Variants in CTNND2 observed in about 807,000 individuals in gnomAD.
CTNND2 encodes the protein catenin delta-2.
In CTNND2, 22 loss-of-function variants were observed where a neutral mutation model predicts 144.4. That is an observed-to-expected ratio of 0.15 (90% CI 0.11 to 0.22). The LOEUF (loss-of-function observed/expected upper bound fraction) is 0.22. Ranked by LOEUF, CTNND2 falls within the 10% of genes least tolerant of loss-of-function variation. The pLI, the probability that CTNND2 is intolerant of heterozygous loss-of-function variation, is 1.00. For missense variants in CTNND2, 1,353 were observed against 1,618.8 expected (o/e 0.84, Z 2.82); for synonymous variants, 751 against 695.6 (o/e 1.08, Z -1.25).
chr5:11,017,099 G>A (rs942636804), intron 18 of CTNND2, among the ~76,000 whole-genome samples: 2 of 151,190 alleles, frequency 1.3e-5, no homozygotes, highest in Non-Finnish European at 2.9e-5. Context: ...TTGTTAACTC[G>A]AATTTAAACT....
intron 3 of CTNND2, among the ~76,000 whole-genome samples, chr5:11,535,313 G>C (rs1018030910): frequency 9.9e-5 from 15 of 151,822 alleles, no homozygotes; most frequent in African/African-American, 3.6e-4. Context: ...TCCAGTTCTT[G>C]TCAAAGAAAC....
At chr5:11,715,312 G>T (rs115545624) in intron 2 of CTNND2, among the ~76,000 whole-genome samples, 1 of 152,180 alleles carries the variant, frequency 6.6e-6, no homozygotes, top group East Asian at 1.9e-4. Context: ...TCAGGTTGTC[G>T]CTGCTTTATT....
At chr5:11,343,602 C>G (rs1223141967) in intron 9 of CTNND2, among the ~76,000 whole-genome samples, 2 of 152,210 alleles carry the variant, frequency 1.3e-5, no homozygotes, top group East Asian at 3.9e-4. Context: ...ACATGTGCTG[C>G]AGTATGGATT....
chr5:11,608,517 C>G (rs1780171242), intron 2 of CTNND2, among the ~76,000 whole-genome samples: 1 of 152,116 alleles, frequency 6.6e-6, no homozygotes, highest in African/African-American at 2.4e-5. Flanking sequence ...AGGGAACATA[C>G]AGAAAAGATT....
chr5:11,326,169 C>T (rs1462161825), intron 9 of CTNND2, among the ~76,000 whole-genome samples: 1 of 152,176 alleles, frequency 6.6e-6, no homozygotes, highest in African/African-American at 2.4e-5. Flanking sequence ...TTGGTTTCAA[C>T]AGGATGCTCT....
chr5:11,108,805 C>T (rs756578576), intron 14 of CTNND2, among the ~76,000 whole-genome samples: 19 of 152,136 alleles, frequency 1.2e-4, no homozygotes, highest in Admixed American at 3.3e-4. Context: ...GACAATGTCC[C>T]GTCACCTCCA....
intron 5 of CTNND2, among the ~76,000 whole-genome samples, chr5:11,407,954 C>CT (rs1458447230): frequency 6.6e-6 from 1 of 152,076 alleles, no homozygotes; most frequent in Admixed American, 6.6e-5. Flanking sequence ...AGAAGGATGT[C>CT]TTTCAGTTTG....
At chr5:11,807,655 A>G (rs369869979) in intron 1 of CTNND2, among the ~76,000 whole-genome samples, 72 of 152,300 alleles carry the variant, frequency 4.7e-4, no homozygotes, top group African/African-American at 1.6e-3. Context: ...TGTGATCATT[A>G]CAGACTTAGG....
chr5:11,291,561 G>A (rs1329544688), intron 9 of CTNND2, among the ~76,000 whole-genome samples: 1 of 152,030 alleles, frequency 6.6e-6, no homozygotes, highest in African/African-American at 2.4e-5. Flanking sequence ...AGCTCTCAGT[G>A]GTTTCCTGTT....
intron 2 of CTNND2, among the ~76,000 whole-genome samples, chr5:11,629,031 TG>T (rs562237300): frequency 2.1e-4 from 32 of 152,184 alleles, no homozygotes; most frequent in Non-Finnish European, 2.9e-4. Flanking sequence ...GACACATAAT[TG>T]GGAGTGCTAT....
In CTNND2 at chr5:11,262,761, C is replaced by CAAAAAAAAAAAAAAAA. The variant is rs11289676; in HGVS notation, c.1629-25954_1629-25939dup. Among the ~76,000 whole-genome samples, 137 of 45,690 alleles carry CAAAAAAAAAAAAAAAA rather than the reference C, an allele frequency of 3.0e-3. 2 individuals are homozygous for CAAAAAAAAAAAAAAAA. Among genetic ancestry groups the CAAAAAAAAAAAAAAAA allele is most frequent in the African/African-American group, 3.7e-3 (38 of 10,318 alleles). The allele number at this position is 45,690 out of a possible 152,430, so 30.0% of individuals were successfully genotyped here. The stretch of plus-strand genomic sequence containing the variant: ...TGGGTGACAGAGTAAGACTCTGTCT[C>CAAAAAAAAAAAAAAAA]AAAAAAAAAAAAAAAAAAAAAAAAA... On this transcript the variant is annotated intron_variant, in intron 9 of 21. Coordinates refer to ENST00000304623, the MANE Select transcript of CTNND2 (RefSeq NM_001332.4).
rs79560039 is a variant in CTNND2, at chr5:11,660,381, G to C, written c.174+71755C>G. On this transcript the variant is annotated intron_variant, in intron 2 of 21. Transcript: ENST00000304623. The stretch of plus-strand genomic sequence containing the variant: ...TTAAGGAGAAAGAGAACAATCACCG[G>C]ACAGAAGGGATATCTGACTCTGGGA... 4.0e-4 allele frequency among the ~76,000 whole-genome samples: 61 copies of C among 152,220 alleles called. 1 individual carries two copies. In the East Asian group the frequency reaches 0.012, roughly 29 times the overall value.
Position 11,903,944 on chromosome 5 carries a change from G to T in CTNND2, c.-91C>A. 1 of 1,286,708 alleles carries T rather than the reference G, an allele frequency of 7.8e-7. No individual in the cohort carries two copies. Among genetic ancestry groups the T allele is most frequent in the Non-Finnish European group, 9.9e-7 (1 of 1,010,768 alleles). 79.7% of individuals were successfully genotyped at this position (1,286,708 alleles called of 1,614,324 possible). On this transcript the variant is annotated 5_prime_UTR_variant, in exon 1 of 22. Coordinates refer to ENST00000304623, the MANE Select transcript of CTNND2 (RefSeq NM_001332.4). The surrounding 1 kb of genome is among the most constrained non-coding windows in gnomAD (Gnocchi z 5.4). Reference sequence around the variant, plus strand: ...GGCAAGGTCCTGACCTTGCCCAACTGCAGCATCTTCCGCTTTTGTTGTCTG... The same window carrying T: ...GGCAAGGTCCTGACCTTGCCCAACTTCAGCATCTTCCGCTTTTGTTGTCTG...
chr5:11,818,903 G>A (rs896866813), intron 1 of CTNND2, among the ~76,000 whole-genome samples: 1 of 152,152 alleles, frequency 6.6e-6, no homozygotes, highest in Non-Finnish European at 1.5e-5. Context: ...TTGTGGCTGT[G>A]GAGGTGATGA....
chr5:11,479,146 C>T (rs768327841), intron 3 of CTNND2, among the ~76,000 whole-genome samples: 19 of 152,178 alleles, frequency 1.2e-4, no homozygotes, highest in Non-Finnish European at 2.5e-4. Context: ...TCTACCTCCT[C>T]CAACCCTTCA....
chr5:11,433,202 C>T (rs551224009), intron 3 of CTNND2, among the ~76,000 whole-genome samples: 79 of 151,340 alleles, frequency 5.2e-4, no homozygotes, highest in African/African-American at 1.8e-3. Context: ...GCCCAGATCA[C>T]GCCACTGCAC....
At chr5:11,022,097 T>C (rs575274053) in intron 17 of CTNND2, among the ~76,000 whole-genome samples, 1 of 152,292 alleles carries the variant, frequency 6.6e-6, no homozygotes, top group Middle Eastern at 3.4e-3. Context: ...CCAAGTCTCA[T>C]CTCTTTTTGT....
chr5:11,592,587 C>A (rs1779308711), intron 2 of CTNND2, among the ~76,000 whole-genome samples: 1 of 151,628 alleles, frequency 6.6e-6, no homozygotes, highest in Non-Finnish European at 1.5e-5. Flanking sequence ...AATGTTTACT[C>A]TTGACAAAGT....
At chr5:11,759,153 G>T (rs1475640204) in intron 1 of CTNND2, among the ~76,000 whole-genome samples, 1 of 151,876 alleles carries the variant, frequency 6.6e-6, no homozygotes, top group Admixed American at 6.6e-5. Flanking sequence ...GGAGGGAGAG[G>T]TCCAAGCATG....
Sources: allele counts gnomAD v4.1 joint callset (sites outside exome capture counted in the v4.1 genomes callset), GRCh38; gene constraint gnomAD v4.1.1; non-coding constraint Gnocchi (gnomAD v3.1); transcripts MANE v1.5; gene names NCBI Gene and HGNC (gene_info 2026-07-23, HGNC 2026-07-21).